ANAPC4: variants seen among roughly 807,000 people sequenced by gnomAD.
ANAPC4 encodes anaphase-promoting complex subunit 4.
In ANAPC4, 63 loss-of-function variants were observed where a neutral mutation model predicts 119.8. That is an observed-to-expected ratio of 0.53 (90% CI 0.43 to 0.65). The LOEUF (loss-of-function observed/expected upper bound fraction) is 0.65, where lower values mean the gene tolerates loss of function less well. ANAPC4 is among the 30% of genes least tolerant of loss of function. The pLI is 0.00. For synonymous variants in ANAPC4, 283 were observed against 318.6 expected (o/e 0.89, Z 1.19); for missense variants, 716 against 945.1 (o/e 0.76, Z 3.18).
intron 4 of ANAPC4, among the ~76,000 whole-genome samples, chr4:25,384,233 C>T (rs562094618): frequency 6.6e-6 from 1 of 152,322 alleles, no homozygotes; most frequent in East Asian, 1.9e-4. Context: ...TGCAGCAGTT[C>T]AGTCCCATCT....
intron 17 of ANAPC4, among the ~76,000 whole-genome samples, chr4:25,404,115 C>G (rs1723126261): frequency 6.6e-6 from 1 of 152,114 alleles, no homozygotes; most frequent in African/African-American, 2.4e-5. Flanking sequence ...TGCTGATATC[C>G]TTTAAACAAA....
intron 16 of ANAPC4, among the ~76,000 whole-genome samples, chr4:25,398,103 C>A (rs1467572631): frequency 6.6e-6 from 1 of 152,070 alleles, no homozygotes; most frequent in African/African-American, 2.4e-5. Flanking sequence ...TTCTAGAAAT[C>A]TGTTTGGTCA....
intron 21 of ANAPC4, 29 bp downstream of exon 21, chr4:25,409,820 C>T (rs372772681): frequency 2.5e-6 from 4 of 1,571,774 alleles, no homozygotes; most frequent in Admixed American, 1.7e-5. Flanking sequence ...AGATTTTGGC[C>T]ATTTTTGTTT....
intron 12 of ANAPC4, 122 bp downstream of exon 12, chr4:25,394,496 A>G: frequency 1.9e-6 from 2 of 1,031,200 alleles, no homozygotes; most frequent in Non-Finnish European, 2.8e-6. Context: ...ATTTTAATTG[A>G]TACATAATGT....
At chr4:25,391,602 G>T (rs1470714768) in intron 9 of ANAPC4, among the ~76,000 whole-genome samples, 4 of 152,198 alleles carry the variant, frequency 2.6e-5, no homozygotes, top group Non-Finnish European at 4.4e-5. Flanking sequence ...CGTGCTGTCT[G>T]CATTGTAGAT....
In ANAPC4 at chr4:25,405,690, G is replaced by T; in HGVS notation, c.1317+71G>T. The stretch of plus-strand genomic sequence containing the variant: ...TGAACTCAGCTGTGCTGGTCATTTT[G>T]GTACTCTTATTCAGTTATTAGTTAA... On this transcript the variant is annotated intron_variant, in intron 18 of 28. Transcript: ENST00000315368. This position sits in a 1 kb window ranked among gnomAD's most constrained non-coding sequence, Gnocchi z 4.6. 1 of 1,449,850 alleles carries T rather than the reference G, an allele frequency of 6.9e-7. No homozygotes were observed. The highest frequency in any genetic ancestry group is 1.8e-4 in the Middle Eastern group (1 of 5,698). The allele number at this position is 1,449,850 out of a possible 1,614,324, so 89.8% of individuals were successfully genotyped here.
intron 4 of ANAPC4, among the ~76,000 whole-genome samples, chr4:25,384,228 C>T (rs989375229): frequency 2.0e-5 from 3 of 152,198 alleles, no homozygotes; most frequent in African/African-American, 7.2e-5. Context: ...GAGATTGCAG[C>T]AGTTCAGTCC....
chr4:25,418,345 T>C lies in ANAPC4; in HGVS notation c.2390T>C (p.Ile797Thr). 3.7e-6 allele frequency: 6 copies of C among 1,614,022 alleles called. No individual in the cohort carries two copies. The highest frequency in any genetic ancestry group is 5.1e-6 in the Non-Finnish European group (6 of 1,179,946). The change falls in exon 29 of 29, where the codon ATT (isoleucine) becomes ACT (threonine). Residue 797 changes from isoleucine to threonine, a missense_variant. Ile to Thr is a moderately conservative substitution (Grantham distance 89, BLOSUM62 -1). This residue lies in a region of ANAPC4 where 504 missense variants were observed against 615.8 expected (regional missense o/e 0.82). Transcript: ENST00000315368. Reference protein sequence around the residue: ...GAAALAPEIVIKVEKLDPELD... With the variant: ...GAAALAPEIVTKVEKLDPELD... ...GCCGCTTTAGCTCCAGAGATAGTCA[T>C]TAAAGTGGAAAAACTTGACCCTGAG...
At chr4:25,385,869 G>A (rs1445929147) in intron 4 of ANAPC4, among the ~76,000 whole-genome samples, 1 of 152,144 alleles carries the variant, frequency 6.6e-6, no homozygotes, top group East Asian at 1.9e-4. Flanking sequence ...AGAGGGAATG[G>A]CCAGTAAATA....
chr4:25,382,134 C>T (rs1721771488), intron 3 of ANAPC4, among the ~76,000 whole-genome samples: 1 of 151,766 alleles, frequency 6.6e-6, no homozygotes. Context: ...CCCCCCCTCA[C>T]TTTTTCCCAT....
intron 14 of ANAPC4, among the ~76,000 whole-genome samples, chr4:25,396,099 C>T (rs1722633329): frequency 6.6e-6 from 1 of 152,192 alleles, no homozygotes; most frequent in East Asian, 1.9e-4. Flanking sequence ...CTTCAGCTCT[C>T]AGCTCATTCA....
chr4:25,399,590 A>G (rs181732397), intron 16 of ANAPC4, among the ~76,000 whole-genome samples: 1 of 152,274 alleles, frequency 6.6e-6, no homozygotes, highest in Non-Finnish European at 1.5e-5. Flanking sequence ...CAGCACACAC[A>G]GTGTCCGTCA....
At chr4:25,377,690 A>G in intron 2 of ANAPC4, 134 bp downstream of exon 2, 4 of 1,318,056 alleles carry the variant, frequency 3.0e-6, no homozygotes, top group Non-Finnish European at 4.1e-6. Flanking sequence ...ATGGCTGGCC[A>G]CCTGCTACCC....
At position 25,388,899 on chromosome 4, in the gene ANAPC4, A is replaced by C. The variant is rs747353957; in HGVS notation, c.515+17A>C. On this transcript the variant is annotated intron_variant, in intron 7 of 28. Transcript: ENST00000315368. ...AGACGTCAGGTAAATCTTACAGATA[A>C]ATAAGTCTAATTTCTTAAAGTTATT... 9.0e-6 allele frequency: 14 copies of C among 1,562,182 alleles called. No homozygotes were observed. The highest frequency in any genetic ancestry group is 2.2e-4 in the Middle Eastern group (1 of 4,468).
At chr4:25,380,118 C>T (rs752511048) in intron 2 of ANAPC4, among the ~76,000 whole-genome samples, 1 of 152,136 alleles carries the variant, frequency 6.6e-6, no homozygotes, top group Non-Finnish European at 1.5e-5. Context: ...TCACCTTGGA[C>T]AGCCGCCTTC....
intron 4 of ANAPC4, among the ~76,000 whole-genome samples, chr4:25,384,531 C>T (rs1721921470): frequency 6.6e-6 from 1 of 152,172 alleles, no homozygotes; most frequent in African/African-American, 2.4e-5. Context: ...TCTGAAATAA[C>T]AAGACTTGAA....
Position 25,388,829 on chromosome 4 carries a change from A to G in ANAPC4, c.471-9A>G, listed in dbSNP as rs375520498. ...TTGAAAGATGACCCAATTTACTTCT[A>G]TATTTTAGTGAAGAAAATTCTGATG... On this transcript the variant is annotated splice_polypyrimidine_tract_variant and intron_variant, in intron 6 of 28. Coordinates refer to ENST00000315368, the MANE Select transcript of ANAPC4 (RefSeq NM_013367.3). The G allele has an allele frequency of 8.7e-6, 14 of 1,605,956 alleles. No individual in the cohort carries two copies. The highest frequency in any genetic ancestry group is 1.7e-4 in the Middle Eastern group (1 of 5,894).
chr4:25,409,440 T>G (rs564656563), intron 20 of ANAPC4, among the ~76,000 whole-genome samples: 1 of 152,320 alleles, frequency 6.6e-6, no homozygotes, highest in Non-Finnish European at 1.5e-5. Flanking sequence ...AGCTAACATT[T>G]ATGGAGGGCT....
In ANAPC4 at chr4:25,409,794, A is replaced by C; in HGVS notation, c.1525+3A>C. ...TCAAAATAGCAGCCACCTTAAAGGT[A>C]CTTCATGAACCAACCAGATTTTGGC... On this transcript the variant is annotated splice_donor_region_variant and intron_variant, in intron 21 of 28. Transcript: ENST00000315368. The C allele has an allele frequency of 1.9e-6, 3 of 1,610,294 alleles. No individual in the cohort carries two copies. The highest frequency in any genetic ancestry group is 2.5e-6 in the Non-Finnish European group (3 of 1,177,106).
Sources: allele counts gnomAD v4.1 joint callset (sites outside exome capture counted in the v4.1 genomes callset), GRCh38; gene constraint gnomAD v4.1.1; regional missense constraint gnomAD v4.1.1; non-coding constraint Gnocchi (gnomAD v3.1); transcripts MANE v1.5; gene names NCBI Gene and HGNC (gene_info 2026-07-23, HGNC 2026-07-21).